The following ANO3 variants were observed in gnomAD, a reference collection of about 807,000 sequenced individuals.
ANO3 encodes the protein anoctamin-3.
In ANO3, 99 loss-of-function variants were observed where a neutral mutation model predicts 144.8. The observed-to-expected ratio is 0.68, with a 90% CI of 0.58 to 0.81. The LOEUF is 0.81. Ranked by LOEUF, ANO3 falls within the 30% of genes least tolerant of loss-of-function variation. ANO3 has a pLI of 0.00. For synonymous variants in ANO3, 414 were observed against 392.6 expected (o/e 1.05, Z -0.64); for missense variants, 905 against 1,202.2 (o/e 0.75, Z 3.66).
intron 12 of ANO3, among the ~76,000 whole-genome samples, chr11:26,548,823 A>G (rs998079264): frequency 4.6e-5 from 7 of 151,794 alleles, no homozygotes; most frequent in Non-Finnish European, 8.8e-5. Flanking sequence ...GCAAGGTAGC[A>G]TCTTCCTGAA....
chr11:26,582,277 G>A (rs1375786413), intron 14 of ANO3, among the ~76,000 whole-genome samples: 1 of 152,180 alleles, frequency 6.6e-6, no homozygotes, highest in African/African-American at 2.4e-5. Context: ...ATAGTGATCG[G>A]TGTTTACTTA....
intron 1 of ANO3, among the ~76,000 whole-genome samples, chr11:26,303,605 T>C (rs1854287611): frequency 6.6e-6 from 1 of 152,218 alleles, no homozygotes; most frequent in Admixed American, 6.5e-5. Context: ...CTATGCTCAC[T>C]ACCTAGCTGA....
intron 1 of ANO3, among the ~76,000 whole-genome samples, chr11:26,436,511 G>T (rs1858301332): frequency 2.0e-5 from 3 of 152,212 alleles, no homozygotes; most frequent in Non-Finnish European, 4.4e-5. Flanking sequence ...AAACAGTAAA[G>T]ATGGTGGCCT....
chr11:26,406,174 G>A (rs995975945), intron 1 of ANO3, among the ~76,000 whole-genome samples: 3 of 151,866 alleles, frequency 2.0e-5, no homozygotes, highest in Admixed American at 2.0e-4. Flanking sequence ...AATTCCAAGA[G>A]CAAGTTTCTG....
chr11:26,352,411 A>G (rs780136597), intron 1 of ANO3, among the ~76,000 whole-genome samples: 7 of 152,154 alleles, frequency 4.6e-5, no homozygotes, highest in Non-Finnish European at 1.0e-4. Flanking sequence ...TGTAGGGTCT[A>G]GATTCTGGGC....
At chr11:26,330,370 T>C (rs1050516063), upstream of ANO3, among the ~76,000 whole-genome samples, 1 of 152,176 alleles carries the variant, frequency 6.6e-6, no homozygotes, top group African/African-American at 2.4e-5. Flanking sequence ...ACGGAGACAG[T>C]CTCTGAACTG....
intron 1 of ANO3, among the ~76,000 whole-genome samples, chr11:26,339,751 T>G (rs1855304209): frequency 6.6e-6 from 1 of 152,216 alleles, no homozygotes; most frequent in Admixed American, 6.5e-5. Flanking sequence ...CCATGTTTCC[T>G]CCTGACTCTG....
At chr11:26,403,363 T>C (rs752768900) in intron 1 of ANO3, among the ~76,000 whole-genome samples, 32 of 151,958 alleles carry the variant, frequency 2.1e-4, no homozygotes, top group Non-Finnish European at 3.5e-4. Context: ...ATAGGACCTC[T>C]TAAGATACAG....
chr11:26,219,949 G>T (rs1189284532), intron 1 of ANO3, among the ~76,000 whole-genome samples: 2 of 152,154 alleles, frequency 1.3e-5, no homozygotes, highest in African/African-American at 4.8e-5. Context: ...AAATATTACA[G>T]AACTTCTTGT....
intron 22 of ANO3, among the ~76,000 whole-genome samples, chr11:26,642,921 T>G (rs1025160860): frequency 6.6e-6 from 1 of 152,152 alleles, no homozygotes; most frequent in African/African-American, 2.4e-5. Flanking sequence ...TCCTTCGTGC[T>G]GCATTATATA....
At chr11:26,481,386 T>C (rs1860210411) in intron 4 of ANO3, among the ~76,000 whole-genome samples, 1 of 152,266 alleles carries the variant, frequency 6.6e-6, no homozygotes, top group East Asian at 1.9e-4. Context: ...TATATAATCT[T>C]ACAATCTATC....
chr11:26,421,104 C>T lies in ANO3; in HGVS notation c.47-20814C>T, dbSNP rs537668169. Among the ~76,000 whole-genome samples, 53 of 151,978 alleles carry T rather than the reference C, an allele frequency of 3.5e-4. No homozygotes were observed. In the South Asian group the frequency reaches 3.9e-3, roughly 11 times the overall value. On this transcript the variant is annotated intron_variant, in intron 1 of 26. Coordinates refer to ENST00000256737, the MANE Select transcript of ANO3 (RefSeq NM_031418.4). ...ATAAAATGGGGATGACAGATCCTAA[C>T]GGGACTCTTAAGATAATAATTTTTT... is the stretch of plus-strand genomic sequence containing the variant.
intron 4 of ANO3, among the ~76,000 whole-genome samples, chr11:26,504,001 A>T (rs997716279): frequency 3.9e-5 from 6 of 152,148 alleles, no homozygotes; most frequent in African/African-American, 1.4e-4. Context: ...ATGCTATGAG[A>T]CTCAGTTGAT....
chr11:26,261,062 G>A (rs1853176682), intron 1 of ANO3, among the ~76,000 whole-genome samples: 2 of 152,278 alleles, frequency 1.3e-5, no homozygotes, highest in South Asian at 4.1e-4. Context: ...CTCTGTATCA[G>A]AAGATAATCT....
At chr11:26,454,991 G>A (rs1157210933) in intron 3 of ANO3, among the ~76,000 whole-genome samples, 1 of 150,180 alleles carries the variant, frequency 6.7e-6, no homozygotes, top group Non-Finnish European at 1.5e-5. Flanking sequence ...TATCTCAATA[G>A]ATGCAGAAAA....
At chr11:26,569,572 G>A (rs1405929195) in intron 14 of ANO3, among the ~76,000 whole-genome samples, 2 of 152,038 alleles carry the variant, frequency 1.3e-5, no homozygotes, top group Non-Finnish European at 2.9e-5. Context: ...TAAGGTCCAG[G>A]AGATTTGGCC....
chr11:26,436,389 A>G (rs1858296281), intron 1 of ANO3, among the ~76,000 whole-genome samples: 1 of 152,166 alleles, frequency 6.6e-6, no homozygotes, highest in Admixed American at 6.5e-5. Flanking sequence ...CCACATAACC[A>G]ACAGTCTGGC....
intron 17 of ANO3, among the ~76,000 whole-genome samples, chr11:26,606,600 T>TTC (rs2132950621): frequency 6.6e-6 from 1 of 152,182 alleles, no homozygotes; most frequent in East Asian, 1.9e-4. Context: ...ATCCCTGCTT[T>TTC]TTTTTTTGGC....
At chr11:26,317,520 C>T (rs902075635) in intron 1 of ANO3, among the ~76,000 whole-genome samples, 7 of 152,252 alleles carry the variant, frequency 4.6e-5, no homozygotes, top group East Asian at 1.9e-4. Context: ...CTCATCATCA[C>T]TGGTCATTAC....
Sources: gnomAD v4.1 joint callset for allele counts (sites outside exome capture counted in the v4.1 genomes callset) on GRCh38, gnomAD v4.1.1 for gene constraint, MANE v1.5 for transcripts, NCBI Gene and HGNC (gene_info 2026-07-23, HGNC 2026-07-21) for gene names.